FSTL5: variants seen among roughly 807,000 people sequenced by gnomAD.
FSTL5 encodes the protein follistatin like 5, also known as follistatin-related protein 5.
A neutral mutation model predicts 89.1 loss-of-function variants in FSTL5; 62 were observed. The ratio of observed to expected loss-of-function variants is 0.70; its 90% CI spans 0.57 to 0.86. The LOEUF (loss-of-function observed/expected upper bound fraction) is 0.86. Among genes scored for constraint, FSTL5 ranks in the 40% least tolerant of loss-of-function variants. The probability of loss-of-function intolerance (pLI) is 0.00; values close to 1 mark genes in which losing one functional copy is unlikely to be tolerated. For missense variants in FSTL5, 1,057 were observed against 1,001.6 expected, an observed-to-expected ratio of 1.06 and a Z score of -0.75; for synonymous variants, 383 against 346.2, an observed-to-expected ratio of 1.11 and a Z score of -1.18.
intron 2 of FSTL5, among the ~76,000 whole-genome samples, chr4:162,108,984 A>C (rs1235358080): frequency 6.6e-6 from 1 of 152,048 alleles, no homozygotes. Flanking sequence ...TACGTAAAGT[A>C]TATGTCTTGA....
chr4:161,759,471 T>C lies in FSTL5; in HGVS notation c.667A>G (p.Lys223Glu), dbSNP rs1258043049. ...LFDCTLYVLLKYDDFNADKHL... is the reference protein window; with the variant it reads ...LFDCTLYVLLEYDDFNADKHL... ...TTGTCAGCATTAAAATCATCATATTTCAATAGAACATACAAAGTACAATCA... is the reference window on the plus strand; with the variant it reads ...TTGTCAGCATTAAAATCATCATATTCCAATAGAACATACAAAGTACAATCA... Residue 223 changes from lysine (K) to glutamate (E), a missense_variant, in exon 6 of 16, where the codon AAA becomes GAA. Physicochemically the swap from Lys to Glu is moderately conservative, Grantham distance 56. This residue lies in a region of FSTL5 where 980 missense variants were observed against 903.2 expected (regional missense o/e 1.08). Coordinates refer to ENST00000306100, the MANE Select transcript of FSTL5 (RefSeq NM_020116.5). 14 of 1,597,426 alleles carry C rather than the reference T, an allele frequency of 8.8e-6. No homozygotes were observed. Among genetic ancestry groups the C allele is most frequent in the African/African-American group, 1.3e-5 (1 of 74,240 alleles).
chr4:161,468,886 T>C (rs1350169363), intron 13 of FSTL5, among the ~76,000 whole-genome samples: 6 of 152,186 alleles, frequency 3.9e-5, no homozygotes, highest in Non-Finnish European at 5.9e-5. Context: ...CAGATTTATC[T>C]ATTTCATTAG....
At chr4:162,003,315 C>A (rs369970647) in intron 3 of FSTL5, among the ~76,000 whole-genome samples, 1 of 152,134 alleles carries the variant, frequency 6.6e-6, no homozygotes, top group East Asian at 1.9e-4. Context: ...CCCAGTGGTA[C>A]TATGAGGTTA....
At chr4:161,609,514 AT>A (rs1285159734) in intron 7 of FSTL5, among the ~76,000 whole-genome samples, 1 of 152,168 alleles carries the variant, frequency 6.6e-6, no homozygotes. Context: ...TGTAGCAAAA[AT>A]TTTATTTAGA....
intron 13 of FSTL5, among the ~76,000 whole-genome samples, chr4:161,477,966 T>A (rs1239467865): frequency 5.3e-5 from 8 of 152,070 alleles, no homozygotes; most frequent in Non-Finnish European, 8.8e-5. Context: ...TAGTCACATA[T>A]GCTATTTTTG....
intron 4 of FSTL5, among the ~76,000 whole-genome samples, chr4:161,821,303 G>A (rs945230435): frequency 6.6e-5 from 10 of 152,062 alleles, no homozygotes; most frequent in Admixed American, 5.9e-4. Flanking sequence ...CTCCCAAATT[G>A]CCACGATGAC....
chr4:161,619,533 C>T (rs995713113), intron 7 of FSTL5, among the ~76,000 whole-genome samples: 2 of 152,146 alleles, frequency 1.3e-5, no homozygotes, highest in African/African-American at 2.4e-5. Context: ...GGGCGAAGGA[C>T]ATGAACAGAC....
intron 4 of FSTL5, among the ~76,000 whole-genome samples, chr4:161,862,463 G>A (rs552581992): frequency 5.9e-5 from 9 of 152,218 alleles, no homozygotes; most frequent in African/African-American, 1.4e-4. Flanking sequence ...GGCCGTGTGC[G>A]GTATCTCACA....
chr4:162,042,449 C>A (rs1738000796), intron 2 of FSTL5, among the ~76,000 whole-genome samples: 1 of 152,018 alleles, frequency 6.6e-6, no homozygotes, highest in Non-Finnish European at 1.5e-5. Context: ...AAGACATAGA[C>A]ACACTGACTT....
At chr4:162,002,795 T>G (rs1455442819) in intron 3 of FSTL5, among the ~76,000 whole-genome samples, 7 of 140,246 alleles carry the variant, frequency 5.0e-5, no homozygotes, top group Admixed American at 3.0e-4. Context: ...ATTATTGTTG[T>G]TTTTTTTTTC....
chr4:161,943,538 CTTTTTTTTTTTTTTTTTTTTTT>C (rs77101651), intron 3 of FSTL5, among the ~76,000 whole-genome samples: 3 of 34,342 alleles, frequency 8.7e-5, no homozygotes, highest in African/African-American at 1.2e-4. Context: ...ACCACTGTAT[CTTTTTTTTTTTTTTTTTTTTTT>C]TTTTTTTTTT....
At chr4:162,152,262 C>G (rs1192247211) in intron 1 of FSTL5, among the ~76,000 whole-genome samples, 1 of 152,078 alleles carries the variant, frequency 6.6e-6, no homozygotes, top group African/African-American at 2.4e-5. Context: ...TTTCTAGAAA[C>G]TTTCTCTTCA....
intron 6 of FSTL5, among the ~76,000 whole-genome samples, chr4:161,704,711 A>C (rs1228033853): frequency 2.0e-5 from 3 of 152,076 alleles, no homozygotes; most frequent in African/African-American, 7.2e-5. Flanking sequence ...AAGCAGTTTA[A>C]AGATTAAATC....
chr4:161,433,662 A>G (rs1222057440), intron 15 of FSTL5, among the ~76,000 whole-genome samples: 1 of 152,154 alleles, frequency 6.6e-6, no homozygotes, highest in Non-Finnish European at 1.5e-5. Context: ...TGGTAAACCT[A>G]AAGATTCCAC....
At chr4:161,534,188 C>G (rs1731516468) in intron 10 of FSTL5, among the ~76,000 whole-genome samples, 1 of 152,086 alleles carries the variant, frequency 6.6e-6, no homozygotes, top group Non-Finnish European at 1.5e-5. Flanking sequence ...AATGCCCACT[C>G]TCACTACTCC....
intron 3 of FSTL5, among the ~76,000 whole-genome samples, chr4:162,014,249 G>A (rs1247642834): frequency 6.6e-6 from 1 of 152,216 alleles, no homozygotes. Flanking sequence ...TTAAAGAACA[G>A]AACAGTTATT....
At chr4:162,076,998 A>G (rs1579008338) in intron 2 of FSTL5, among the ~76,000 whole-genome samples, 2 of 151,726 alleles carry the variant, frequency 1.3e-5, no homozygotes, top group South Asian at 4.2e-4. Context: ...AGCATACAGA[A>G]CCTCCACTGC....
At chr4:161,971,124 T>G (rs1735470312) in intron 3 of FSTL5, among the ~76,000 whole-genome samples, 1 of 152,168 alleles carries the variant, frequency 6.6e-6, no homozygotes, top group African/African-American at 2.4e-5. Context: ...ATTCAATGCT[T>G]ATTTTTGTAT....
intron 13 of FSTL5, among the ~76,000 whole-genome samples, chr4:161,471,725 T>C (rs1733948736): frequency 6.6e-6 from 1 of 152,230 alleles, no homozygotes; most frequent in Admixed American, 6.5e-5. Flanking sequence ...TCAATTTTCC[T>C]AGCATTTGTA....
Sources: allele counts gnomAD v4.1 joint callset (sites outside exome capture counted in the v4.1 genomes callset), GRCh38; gene constraint gnomAD v4.1.1; regional missense constraint gnomAD v4.1.1; transcripts MANE v1.5; gene names NCBI Gene and HGNC (gene_info 2026-07-23, HGNC 2026-07-21).